CHFR: variants seen among roughly 807,000 people sequenced by gnomAD.
The protein encoded by CHFR is E3 ubiquitin-protein ligase CHFR.
CHFR carries 57 observed loss-of-function variants against 87.6 expected under a neutral mutation model. That is an observed-to-expected ratio of 0.65 (90% CI 0.53 to 0.81). The LOEUF (loss-of-function observed/expected upper bound fraction) is 0.81. Ranked by LOEUF, CHFR falls within the 30% of genes least tolerant of loss-of-function variation. The pLI is 0.00. For missense variants in CHFR, 797 were observed against 865.8 expected, an observed-to-expected ratio of 0.92 and a Z score of 1.00; for synonymous variants, 381 against 359.2, an observed-to-expected ratio of 1.06 and a Z score of -0.69.
intron 10 of CHFR, 96 bp from the exon 11 acceptor site, chr12:132,853,669 A>G (rs1950998756): frequency 1.5e-6 from 2 of 1,369,144 alleles, no homozygotes; most frequent in Non-Finnish European, 9.6e-7. Flanking sequence ...GCTCAGCTCC[A>G]CCGTCGCTCA....
chr12:132,846,603 G>A (rs565796064), intron 15 of CHFR, among the ~76,000 whole-genome samples: 14 of 151,848 alleles, frequency 9.2e-5, no homozygotes, highest in South Asian at 2.1e-4. Context: ...CCTGAAGGCC[G>A]GGCATAGTGG....
intron 15 of CHFR, among the ~76,000 whole-genome samples, chr12:132,845,015 T>C: frequency 6.6e-6 from 1 of 152,208 alleles, no homozygotes; most frequent in East Asian, 1.9e-4. Flanking sequence ...AAGTATGTCT[T>C]GAAAACCAAA....
rs1951505659 is a variant in CHFR at position 132,872,200 on chromosome 12, G to GA, written c.343+84dup. Reference sequence around the variant, plus strand: ...CAGGAGGAACGTTCCTATGGGAAGGGATGTAGCCAGGAGGAACGTTCAGAG... The same window carrying GA: ...CAGGAGGAACGTTCCTATGGGAAGGGAATGTAGCCAGGAGGAACGTTCAGAG... On this transcript the variant is annotated intron_variant, in intron 4 of 17. Transcript: ENST00000450056. 8 of 810,598 alleles carry GA rather than the reference G, an allele frequency of 9.9e-6. No homozygotes were observed. In the South Asian group the frequency reaches 1.0e-4, roughly 10 times the overall value. The allele number at this position is 810,598 out of a possible 1,614,324, so 50.2% of individuals were successfully genotyped here.
In CHFR at chr12:132,848,091, G is replaced by A; in HGVS notation, c.1641C>T (p.Ile547=). The part of the protein sequence containing the change: ...VLNNNSYESD[I]LKNYLATRGL... ...GCCCGCAGCGAGTCGGTACCTTCAGGATGTCTGACTCGTAGCTGTTGTTGT... is the reference window on the plus strand; with the variant it reads ...GCCCGCAGCGAGTCGGTACCTTCAGAATGTCTGACTCGTAGCTGTTGTTGT... Residue 547 remains isoleucine (I), a synonymous_variant, in exon 14 of 18, where the codon ATC becomes ATT. Coordinates refer to ENST00000450056, the MANE Select transcript of CHFR (RefSeq NM_001161346.2). 1 of 1,614,054 alleles carries A rather than the reference G, an allele frequency of 6.2e-7. No homozygotes were observed. Among genetic ancestry groups the A allele is most frequent in the Non-Finnish European group, 8.5e-7 (1 of 1,180,000 alleles).
chr12:132,864,726 C>A (rs1951294923), intron 6 of CHFR, among the ~76,000 whole-genome samples: 1 of 152,106 alleles, frequency 6.6e-6, no homozygotes, highest in South Asian at 2.1e-4. Context: ...CGACCTCAGG[C>A]GATCCAACCA....
At chr12:132,862,466 T>C (rs1471975802) in intron 6 of CHFR, 5 of 448,552 alleles carry the variant, frequency 1.1e-5, no homozygotes, top group Admixed American at 9.7e-5. Flanking sequence ...TAACTAGGCG[T>C]GACAGTACGA....
chr12:132,861,132 C>T (rs1428807468), intron 7 of CHFR, among the ~76,000 whole-genome samples: 1 of 152,208 alleles, frequency 6.6e-6, no homozygotes, highest in Non-Finnish European at 1.5e-5. Context: ...GATTCTCCTG[C>T]CTTGGCCTCC....
rs377537751 is a variant in CHFR at position 132,840,795 on chromosome 12, G to A, written c.*759C>T. ...GGGCCGCGGTCACTCACACAAGGGAGCAGCATGTCCTGGGACCTGCGTCCA... is the reference window on the plus strand; with the variant it reads ...GGGCCGCGGTCACTCACACAAGGGAACAGCATGTCCTGGGACCTGCGTCCA... On this transcript the variant is annotated 3_prime_UTR_variant, in exon 18 of 18. Coordinates refer to ENST00000450056, the MANE Select transcript of CHFR (RefSeq NM_001161346.2). 10 of 152,430 alleles carry A rather than the reference G, an allele frequency of 6.6e-5. 1 individual carries two copies. Among genetic ancestry groups the A allele is most frequent in the African/African-American group, 2.2e-4 (9 of 41,450 alleles). 9.4% of individuals were successfully genotyped at this position (152,430 alleles called of 1,614,324 possible).
At chr12:132,859,978 G>C (rs1455222574) in intron 7 of CHFR, among the ~76,000 whole-genome samples, 1 of 152,144 alleles carries the variant, frequency 6.6e-6, no homozygotes, top group Non-Finnish European at 1.5e-5. Flanking sequence ...CCAGGAGGTG[G>C]AGGCTGCAGT....
rs768361418 is a variant in CHFR, at chr12:132,851,691, G to T, written c.1419C>A (p.Cys473Ter). Residue 473 changes from cysteine (C) to a stop codon, truncating the protein, a stop_gained, in exon 12 of 18, where the codon TGC becomes TGA. Coordinates refer to ENST00000450056, the MANE Select transcript of CHFR (RefSeq NM_001161346.2). LOFTEE classifies it high-confidence loss of function. ...VCPLQGSHAL[C>*]TCCFQPMPDR... ...CGGGCATGGGCTGGAAGCAGCAGGT[G>T]CACAGGGCGTGGCTTCCTTGCAGAG... is the stretch of plus-strand genomic sequence containing the variant. 3 of 1,613,444 alleles carry T rather than the reference G, an allele frequency of 1.9e-6. No homozygotes were observed. The highest frequency in any genetic ancestry group is 2.5e-6 in the Non-Finnish European group (3 of 1,179,938).
intron 2 of CHFR, among the ~76,000 whole-genome samples, chr12:132,880,709 G>C (rs12829653): frequency 0.28 from 41,474 of 150,572 alleles, 5,959 homozygotes; most frequent in Middle Eastern, 0.43. Flanking sequence ...GCTCACACCT[G>C]TAATCTCAGC....
In CHFR at chr12:132,886,882, T is replaced by C. The variant is rs558168942; in HGVS notation, c.133+314A>G. On this transcript the variant is annotated intron_variant, in intron 2 of 17. Transcript: ENST00000450056. ...CCACATATCTGTGAATTTTCCACTT[T>C]TCCTTCTATTATTTTTAATTTCGTT... Among the ~76,000 whole-genome samples, 47 of 152,358 alleles carry C rather than the reference T, an allele frequency of 3.1e-4. 2 individuals carry two copies. In the South Asian group the frequency reaches 3.5e-3, roughly 11 times the overall value.
chr12:132,885,442 A>G, intron 2 of CHFR, among the ~76,000 whole-genome samples: 1 of 151,526 alleles, frequency 6.6e-6, no homozygotes, highest in South Asian at 2.1e-4. Flanking sequence ...ATAAATAAAT[A>G]AATAAATAAA....
At chr12:132,865,497 T>C (rs4758912) in intron 6 of CHFR, among the ~76,000 whole-genome samples, 149,515 of 151,932 alleles carry the variant, frequency 0.98, 73,621 homozygotes, top group Middle Eastern at 1. Flanking sequence ...CTCAGCTTCC[T>C]GAGTAGCTGG....
intron 17 of CHFR, among the ~76,000 whole-genome samples, chr12:132,842,732 C>T (rs1375159236): frequency 1.3e-5 from 2 of 152,218 alleles, no homozygotes; most frequent in African/African-American, 4.8e-5. Context: ...CTGCAGCCTT[C>T]GACTTAGAAA....
chr12:132,842,556 C>T (rs892836555), intron 17 of CHFR, among the ~76,000 whole-genome samples: 5 of 152,228 alleles, frequency 3.3e-5, no homozygotes, highest in African/African-American at 4.8e-5. Context: ...TCCTGACCTA[C>T]GCCTCCCAGG....
intron 2 of CHFR, among the ~76,000 whole-genome samples, chr12:132,880,503 A>G (rs1267068913): frequency 6.6e-6 from 1 of 151,910 alleles, no homozygotes; most frequent in African/African-American, 2.4e-5. Context: ...CCAAAACTAC[A>G]AAAAATTAGC....
At chr12:132,872,015 T>C (rs1951501751) in intron 4 of CHFR, 3 of 424,102 alleles carry the variant, frequency 7.1e-6, no homozygotes, top group African/African-American at 2.0e-5. Flanking sequence ...ACCCAAACCA[T>C]CCCCATCAGT....
chr12:132,873,380 G>A (rs1455931252), intron 3 of CHFR, among the ~76,000 whole-genome samples: 8 of 152,374 alleles, frequency 5.3e-5, no homozygotes, highest in Admixed American at 2.6e-4. Context: ...AAACCAGGCA[G>A]TGGCTGTGTG....
Sources: allele counts gnomAD v4.1 joint callset (sites outside exome capture counted in the v4.1 genomes callset), GRCh38; gene constraint gnomAD v4.1.1; transcripts MANE v1.5; gene names NCBI Gene and HGNC (gene_info 2026-07-23, HGNC 2026-07-21).